PLSCR5: variants seen among roughly 807,000 people sequenced by gnomAD.
PLSCR5 encodes phospholipid scramblase family, member 5.
PLSCR5 carries 44 observed loss-of-function variants against 33.6 expected under a neutral mutation model. The ratio of observed to expected loss-of-function variants is 1.31; its 90% CI spans 1.03 to 1.69. The LOEUF (loss-of-function observed/expected upper bound fraction) is 1.69. Among genes scored for constraint, PLSCR5 ranks in the 40% most tolerant of loss-of-function variants. The probability of loss-of-function intolerance (pLI) is 0.00; values close to 1 mark genes in which losing one functional copy is unlikely to be tolerated. For synonymous variants in PLSCR5, 148 were observed against 112.3 expected (o/e 1.32, Z -2.01); for missense variants, 375 against 318.7 (o/e 1.18, Z -1.34).
chr3:146,596,722 A>G (rs2044764661), intron 2 of PLSCR5, among the ~76,000 whole-genome samples: 1 of 152,178 alleles, frequency 6.6e-6, no homozygotes, highest in South Asian at 2.1e-4. Context: ...ATCTCAGAAC[A>G]TTTGAAGCTA....
chr3:146,595,055 A>G lies in PLSCR5; in HGVS notation c.218T>C (p.Val73Ala), dbSNP rs918156675. ...AATGCACTTACTTCCAAGCAGCTCCACCTGCTGGTGTATAATTATCAGGTC... is the reference window on the plus strand; with the variant it reads ...AATGCACTTACTTCCAAGCAGCTCCGCCTGCTGGTGTATAATTATCAGGTC... ...QLDLIIIHQQ[V>A]ELLGMILGTE... The change falls in exon 3 of 8, where the codon GTG becomes GCG. Residue 73 changes from valine (V) to alanine (A), a missense_variant. Val to Ala is a moderately conservative substitution (Grantham distance 64, BLOSUM62 0). Transcript: ENST00000443512. The G allele has an allele frequency of 2.8e-6, 4 of 1,435,164 alleles. No homozygotes were observed. The African/African-American group carries it at 5.7e-5, about 21-fold the overall frequency. 88.9% of individuals were successfully genotyped at this position (1,435,164 alleles called of 1,614,324 possible).
chr3:146,589,551 C>G (rs776711797), intron 6 of PLSCR5, 102 bp downstream of exon 6: 8 of 1,135,794 alleles, frequency 7.0e-6, no homozygotes, highest in Non-Finnish European at 9.4e-6. Flanking sequence ...ATAAAATATA[C>G]TCTTTGGGGG....
At chr3:146,596,568 C>T (rs1321979933) in intron 2 of PLSCR5, among the ~76,000 whole-genome samples, 6 of 152,184 alleles carry the variant, frequency 3.9e-5, no homozygotes, top group East Asian at 3.8e-4. Flanking sequence ...AAATATGCTG[C>T]TGATCATTGT....
At chr3:146,577,013 G>A (rs1354420147) in intron 7 of PLSCR5, among the ~76,000 whole-genome samples, 1 of 151,974 alleles carries the variant, frequency 6.6e-6, no homozygotes, top group African/African-American at 2.4e-5. Context: ...AGAATTAAGT[G>A]ACTTAAAAGA....
At chr3:146,592,542 G>T (rs1407190057) in intron 4 of PLSCR5, among the ~76,000 whole-genome samples, 2 of 152,070 alleles carry the variant, frequency 1.3e-5, no homozygotes, top group South Asian at 2.1e-4. Flanking sequence ...TAAATTGGGG[G>T]TGGGTACAAA....
intron 2 of PLSCR5, among the ~76,000 whole-genome samples, chr3:146,596,295 T>C (rs1404397320): frequency 6.6e-6 from 1 of 152,172 alleles, no homozygotes; most frequent in Non-Finnish European, 1.5e-5. Flanking sequence ...TTCAAGCAAT[T>C]CTCGTGCCTC....
chr3:146,595,130 G>A (rs72988655), intron 2 of PLSCR5, 47 bp from the exon 3 acceptor site: 96,207 of 1,193,994 alleles, frequency 0.081, 4,101 homozygotes, highest in East Asian at 0.14. Flanking sequence ...AACATCACAC[G>A]GAAAACCTTT....
rs374132237 is a variant in PLSCR5, at chr3:146,589,788, T to C, written c.642A>G (p.Thr214=). The part of the protein sequence containing the change: ...FEVKTINEKL[T]IGKISKYWSG... ...ACCAGTACTTTGAAATCTTCCCAAT[T>C]GTAAGCTTTTCATTAATGGTTTTCA... Residue 214 remains threonine (T), a synonymous_variant, in exon 6 of 8, where the codon ACA becomes ACG. Transcript: ENST00000443512. The C allele has an allele frequency of 1.2e-5, 19 of 1,556,310 alleles. No homozygotes were observed. In the East Asian group the frequency reaches 4.1e-4, roughly 34 times the overall value.
At chr3:146,593,296 G>C (rs1300018196) in intron 4 of PLSCR5, among the ~76,000 whole-genome samples, 1 of 152,062 alleles carries the variant, frequency 6.6e-6, no homozygotes, top group East Asian at 1.9e-4. Flanking sequence ...GAATATCATG[G>C]TATCAAAGCC....
chr3:146,604,779 C>T (rs888303293), intron 1 of PLSCR5, among the ~76,000 whole-genome samples: 4 of 151,982 alleles, frequency 2.6e-5, no homozygotes, highest in African/African-American at 9.7e-5. Flanking sequence ...TATGTACCCA[C>T]ATAAATTTTT....
chr3:146,601,342 T>A (rs1182183950), intron 1 of PLSCR5, among the ~76,000 whole-genome samples: 1 of 151,938 alleles, frequency 6.6e-6, no homozygotes. Context: ...CACTTGGATA[T>A]CTCTCTCATT....
At chr3:146,601,668 A>G (rs1292000415) in intron 1 of PLSCR5, among the ~76,000 whole-genome samples, 1 of 152,190 alleles carries the variant, frequency 6.6e-6, no homozygotes, top group Non-Finnish European at 1.5e-5. Context: ...TTACTCATAT[A>G]CCAAAATTGA....
At chr3:146,577,650 A>G (rs2044607494) in intron 7 of PLSCR5, among the ~76,000 whole-genome samples, 1 of 152,164 alleles carries the variant, frequency 6.6e-6, no homozygotes, top group African/African-American at 2.4e-5. Flanking sequence ...CTCATTAAAA[A>G]TAGTAATTAC....
intron 1 of PLSCR5, among the ~76,000 whole-genome samples, chr3:146,601,955 C>T (rs1262252135): frequency 2.6e-5 from 4 of 151,876 alleles, no homozygotes; most frequent in Admixed American, 1.3e-4. Flanking sequence ...TAAGGTTGTA[C>T]GAATAAACTG....
intron 5 of PLSCR5, 196 bp from the exon 6 acceptor site, chr3:146,590,010 C>T (rs1451340760): frequency 7.5e-6 from 3 of 397,834 alleles, no homozygotes; most frequent in African/African-American, 6.2e-5. Context: ...AGAAACTTTG[C>T]TTTTTTGACA....
chr3:146,581,352 GTGT>G (rs1560104506), downstream of PLSCR5, among the ~76,000 whole-genome samples: 1 of 152,166 alleles, frequency 6.6e-6, no homozygotes, highest in African/African-American at 2.4e-5. Context: ...TAACCTTAAC[GTGT>G]TGTTATCTGT....
chr3:146,601,026 T>C (rs1271221507), intron 1 of PLSCR5, among the ~76,000 whole-genome samples: 1 of 149,868 alleles, frequency 6.7e-6, no homozygotes, highest in Non-Finnish European at 1.5e-5. Flanking sequence ...CAATAATAGT[T>C]TGAAGCTATG....
chr3:146,585,473 A>G (rs1314653054), downstream of PLSCR5, among the ~76,000 whole-genome samples: 10 of 152,100 alleles, frequency 6.6e-5, no homozygotes, highest in Non-Finnish European at 1.2e-4. Flanking sequence ...GATACCATCT[A>G]TCTTCCTCTT....
rs2044717421 is a variant in PLSCR5, at chr3:146,591,756, A to G, written c.579T>C (p.Cys193=). ...CATCGCCAAAACAGCCACATGTCAC[A>G]CAAGGACCAACAATTTTCAAAATAT... is the stretch of plus-strand genomic sequence containing the variant. ...KEDILKIVGP[C]VTCGCFGDVD... The change falls in exon 5 of 8, where the codon TGT becomes TGC. Residue 193 remains cysteine, a synonymous_variant. Coordinates refer to ENST00000443512, the MANE Select transcript of PLSCR5 (RefSeq NM_001085420.2). The G allele has an allele frequency of 6.2e-7, 1 of 1,611,840 alleles. No individual in the cohort carries two copies. The highest frequency in any genetic ancestry group is 8.5e-7 in the Non-Finnish European group (1 of 1,178,758).
Sources: allele counts gnomAD v4.1 joint callset (sites outside exome capture counted in the v4.1 genomes callset), GRCh38; gene constraint gnomAD v4.1.1; transcripts MANE v1.5; gene names NCBI Gene and HGNC (gene_info 2026-07-23, HGNC 2026-07-21).